PHLDB2: variants seen among roughly 807,000 people sequenced by gnomAD.
PHLDB2 encodes the protein pleckstrin homology like domain family B member 2, also known as pleckstrin homology-like domain family B member 2.
A neutral mutation model predicts 123.6 loss-of-function variants in PHLDB2; 71 were observed. The observed-to-expected ratio is 0.57, with a 90% CI of 0.47 to 0.70. The LOEUF (loss-of-function observed/expected upper bound fraction) is 0.70, where lower values mean the gene tolerates loss of function less well. Among genes scored for constraint, PHLDB2 ranks in the 30% least tolerant of loss-of-function variants. PHLDB2 has a pLI of 0.00. For synonymous variants in PHLDB2, 547 were observed against 541.6 expected (o/e 1.01, Z -0.14); for missense variants, 1,446 against 1,519.5 (o/e 0.95, Z 0.80).
At position 111,920,555 on chromosome 3, in the gene PHLDB2, A is replaced by G. The variant is rs2068437562; in HGVS notation, c.2001+136A>G. On this transcript the variant is annotated intron_variant, in intron 5 of 17. Coordinates refer to ENST00000431670, the MANE Select transcript of PHLDB2 (RefSeq NM_001134438.2). Reference sequence around the variant, plus strand: ...TCCTGGAGGCAGTGGCACTAGAGAAAAATCCTAAGATCATACATTGTCAGA... The same window carrying G: ...TCCTGGAGGCAGTGGCACTAGAGAAGAATCCTAAGATCATACATTGTCAGA... 4 of 1,088,976 alleles carry G rather than the reference A, an allele frequency of 3.7e-6. No homozygotes were observed. The South Asian group carries it at 7.0e-5, about 19-fold the overall frequency. The allele number at this position is 1,088,976 out of a possible 1,614,324, so 67.5% of individuals were successfully genotyped here. A position where few individuals can be genotyped will look rare whatever the true frequency, so the allele number is the denominator to read the frequency against.
intron 1 of PHLDB2, among the ~76,000 whole-genome samples, chr3:111,826,469 A>G (rs2062658932): frequency 6.6e-6 from 1 of 152,208 alleles, no homozygotes; most frequent in South Asian, 2.1e-4. Context: ...TACTCTTTAC[A>G]TCTAGAAAGT....
At chr3:111,928,816 A>G (rs1045229373) in intron 5 of PHLDB2, among the ~76,000 whole-genome samples, 5 of 152,232 alleles carry the variant, frequency 3.3e-5, no homozygotes, top group African/African-American at 4.8e-5. Context: ...AAGAGAAGAC[A>G]AGTCAAAGTG....
At chr3:111,765,012 A>T (rs941508373) in intron 1 of PHLDB2, among the ~76,000 whole-genome samples, 2 of 152,132 alleles carry the variant, frequency 1.3e-5, no homozygotes, top group Non-Finnish European at 2.9e-5. Context: ...CATCGGGTCC[A>T]CCCTCTCCAG....
intron 2 of PHLDB2, among the ~76,000 whole-genome samples, chr3:111,912,618 G>T (rs892516998): frequency 6.6e-6 from 1 of 152,096 alleles, no homozygotes; most frequent in Non-Finnish European, 1.5e-5. Flanking sequence ...GAAGACATAG[G>T]TCTTTTAAAT....
Position 111,888,318 on chromosome 3 carries a change from T to C in PHLDB2, c.1335+2906T>C, listed in dbSNP as rs1685394548. 3.3e-5 allele frequency among the ~76,000 whole-genome samples: 5 copies of C among 152,196 alleles called. 1 individual carries two copies. The South Asian group carries it at 1.0e-3, about 32-fold the overall frequency. On this transcript the variant is annotated intron_variant, in intron 2 of 17. Transcript: ENST00000431670. ...TCTTTGTGATTGCCCAGAGGTTCTC[T>C]GGGAAAACCTAAAAGTAGTTCAGGA...
chr3:111,857,479 A>AG (rs2064569910), upstream of PHLDB2, among the ~76,000 whole-genome samples: 9 of 148,412 alleles, frequency 6.1e-5, no homozygotes, highest in South Asian at 1.7e-3. Context: ...AGAAAAGAAA[A>AG]AAAAATTCCA....
chr3:111,801,875 GTGTTTTGTTT>G (rs5851788), intron 1 of PHLDB2, among the ~76,000 whole-genome samples: 3 of 151,162 alleles, frequency 2.0e-5, no homozygotes, highest in South Asian at 2.1e-4. Flanking sequence ...ATGGATATGG[GTGTTTTGTTT>G]TGTTTTGTTT....
At chr3:111,873,448 C>A (rs1156342153) in intron 1 of PHLDB2, among the ~76,000 whole-genome samples, 1 of 152,070 alleles carries the variant, frequency 6.6e-6, no homozygotes, top group Non-Finnish European at 1.5e-5. Flanking sequence ...CAAACAGGTT[C>A]GAGTATATTA....
At chr3:111,741,824 T>C (rs1370657350) in intron 1 of PHLDB2, among the ~76,000 whole-genome samples, 1 of 152,216 alleles carries the variant, frequency 6.6e-6, no homozygotes, top group African/African-American at 2.4e-5. Flanking sequence ...TCCTTCAGCA[T>C]GTAAAAAATT....
chr3:111,911,775 T>C, intron 2 of PHLDB2: 1 of 1,470,670 alleles, frequency 6.8e-7, no homozygotes, highest in Non-Finnish European at 9.2e-7. Flanking sequence ...AAGCTATTGC[T>C]CTTTTGTTTT....
chr3:111,971,189 C>T (rs958653510), intron 16 of PHLDB2, among the ~76,000 whole-genome samples: 1 of 152,216 alleles, frequency 6.6e-6, no homozygotes, highest in Admixed American at 6.5e-5. Context: ...ATAAACAAAA[C>T]TGTATGATGT....
At chr3:111,817,548 T>C (rs1228777055) in intron 1 of PHLDB2, among the ~76,000 whole-genome samples, 4 of 152,196 alleles carry the variant, frequency 2.6e-5, no homozygotes, top group Non-Finnish European at 5.9e-5. Context: ...CTACCATCTT[T>C]TTATTCTTTA....
At chr3:111,906,958 T>C (rs532414968) in intron 2 of PHLDB2, among the ~76,000 whole-genome samples, 16 of 152,292 alleles carry the variant, frequency 1.1e-4, no homozygotes, top group South Asian at 1.0e-3. Flanking sequence ...TCCCAGCCAG[T>C]GTATAAAATA....
chr3:111,928,333 A>T (rs2068924273), intron 5 of PHLDB2, among the ~76,000 whole-genome samples: 1 of 152,190 alleles, frequency 6.6e-6, no homozygotes, highest in Non-Finnish European at 1.5e-5. Context: ...AGAAAAATCA[A>T]ATTGTAGTTA....
chr3:111,747,553 C>G (rs1347689394), intron 1 of PHLDB2, among the ~76,000 whole-genome samples: 1 of 152,144 alleles, frequency 6.6e-6, no homozygotes, highest in East Asian at 1.9e-4. Context: ...GATTTGTTGG[C>G]TCACCCATAA....
chr3:111,791,822 G>A (rs2060941212), intron 1 of PHLDB2, among the ~76,000 whole-genome samples: 1 of 152,074 alleles, frequency 6.6e-6, no homozygotes, highest in South Asian at 2.1e-4. Flanking sequence ...TTTGTGTTGG[G>A]AACATTTGAA....
rs141343267 is a variant in PHLDB2 at position 111,913,445 on chromosome 3, C to T, written c.1462C>T (p.Leu488Phe). The change falls in exon 3 of 18, where the codon CTC (leucine) becomes TTC (phenylalanine). Residue 488 changes from leucine (L) to phenylalanine (F), a missense_variant. This residue lies in a region of PHLDB2 where 832 missense variants were observed against 831.9 expected (regional missense o/e 1.00). Transcript: ENST00000431670. ...KINKELEKLQ[L>F]SDEESVFEEA... ...CAACAAGGAGCTTGAGAAGCTGCAG[C>T]TCTCTGATGAGGAGTCTGTGTTTGA... 1.2e-6 allele frequency: 2 copies of T among 1,614,120 alleles called. No homozygotes were observed. Among genetic ancestry groups the T allele is most frequent in the African/African-American group, 2.7e-5 (2 of 75,034 alleles).
intron 5 of PHLDB2, among the ~76,000 whole-genome samples, chr3:111,926,548 G>A (rs532292490): frequency 4.6e-4 from 70 of 151,412 alleles, no homozygotes; most frequent in Non-Finnish European, 9.0e-4. Flanking sequence ...TTTTTTTCTC[G>A]TAGTTGTTTG....
At chr3:111,764,184 G>A (rs1390646855) in intron 1 of PHLDB2, among the ~76,000 whole-genome samples, 2 of 152,138 alleles carry the variant, frequency 1.3e-5, no homozygotes, top group African/African-American at 4.8e-5. Flanking sequence ...AGGGCTACAG[G>A]GAAGATCTGA....
Sources: gnomAD v4.1 joint callset for allele counts (sites outside exome capture counted in the v4.1 genomes callset) on GRCh38, gnomAD v4.1.1 for gene constraint, gnomAD v4.1.1 regional missense constraint, MANE v1.5 for transcripts, NCBI Gene and HGNC (gene_info 2026-07-23, HGNC 2026-07-21) for gene names.